The following DEPDC5 variants were observed in gnomAD, a reference collection of about 807,000 sequenced individuals.
The protein encoded by DEPDC5 is GATOR1 complex protein DEPDC5.
Under a neutral mutation model 217.3 loss-of-function variants are expected in DEPDC5, and 73 were observed. That is an observed-to-expected ratio of 0.34 (90% CI 0.28 to 0.41). DEPDC5 has a LOEUF of 0.41. Ranked by LOEUF, DEPDC5 falls within the 10% of genes least tolerant of loss-of-function variation. The pLI, the probability that DEPDC5 is intolerant of heterozygous loss-of-function variation, is 1.00. For missense variants in DEPDC5, 1,675 were observed against 2,070.1 expected, an observed-to-expected ratio of 0.81 and a Z score of 3.70; for synonymous variants, 733 against 756.7, an observed-to-expected ratio of 0.97 and a Z score of 0.51.
At chr22:31,850,766 A>G (rs1056199969) in intron 31 of DEPDC5, among the ~76,000 whole-genome samples, 8 of 152,150 alleles carry the variant, frequency 5.3e-5, no homozygotes, top group African/African-American at 1.7e-4. Flanking sequence ...TATAGTTAAT[A>G]TATAAAACCC....
chr22:31,827,510 C>T (rs2090247898), intron 24 of DEPDC5, among the ~76,000 whole-genome samples: 1 of 152,104 alleles, frequency 6.6e-6, no homozygotes, highest in African/African-American at 2.4e-5. Context: ...CCTCCCTTGC[C>T]CTTCCATATC....
intron 4 of DEPDC5, among the ~76,000 whole-genome samples, chr22:31,762,193 A>G (rs2082449035): frequency 6.6e-6 from 1 of 152,032 alleles, no homozygotes; most frequent in Non-Finnish European, 1.5e-5. Flanking sequence ...CGCCCACCAC[A>G]TTGTGCAAGG....
At chr22:31,858,545 A>G (rs2092389817) in intron 32 of DEPDC5, 1 of 152,206 alleles carries the variant, frequency 6.6e-6, no homozygotes, top group Admixed American at 6.5e-5. Context: ...CAAATGGTAT[A>G]TCTGTGTTTA....
At chr22:31,758,906 C>T (rs574297955) in intron 3 of DEPDC5, among the ~76,000 whole-genome samples, 1 of 150,730 alleles carries the variant, frequency 6.6e-6, no homozygotes. Context: ...TCCATTCCTT[C>T]GTTTTTTTTT....
intron 9 of DEPDC5, 51 bp from the exon 10 acceptor site, chr22:31,784,763 A>G (rs781715556): frequency 9.6e-6 from 15 of 1,558,926 alleles, no homozygotes; most frequent in Non-Finnish European, 1.3e-5. Flanking sequence ...TGCAAGCAAG[A>G]AATAAAGATT....
chr22:31,892,955 A>G (rs976607502), intron 38 of DEPDC5, among the ~76,000 whole-genome samples: 18 of 146,654 alleles, frequency 1.2e-4, no homozygotes, highest in Non-Finnish European at 2.4e-4. Context: ...GGCTCACTGC[A>G]ACCTCTGCCT....
At position 31,876,180 on chromosome 22, in the gene DEPDC5, C is replaced by T. The variant is rs1371069018; in HGVS notation, c.3720C>T (p.Ile1240=). The change falls in exon 37 of 43, where the codon ATC becomes ATT. Residue 1240 remains isoleucine, a synonymous_variant. Transcript: ENST00000651528. The part of the protein sequence containing the change: ...IMQKMLEEQL[I]THASGEAWRT... The stretch of plus-strand genomic sequence containing the variant: ...AGAAAATGCTGGAAGAGCAGCTCAT[C>T]ACACATGCATCTGGCGAAGCCTGGC... 2 of 1,614,100 alleles carry T rather than the reference C, an allele frequency of 1.2e-6. No homozygotes were observed. Among genetic ancestry groups the T allele is most frequent in the South Asian group, 2.2e-5 (2 of 91,082 alleles).
At chr22:31,826,914 T>A (rs79537175) in intron 24 of DEPDC5, among the ~76,000 whole-genome samples, 1 of 151,408 alleles carries the variant, frequency 6.6e-6, no homozygotes, top group Non-Finnish European at 1.5e-5. Context: ...TTTTTTTTTT[T>A]AAGAGACAGG....
intron 31 of DEPDC5, among the ~76,000 whole-genome samples, chr22:31,848,180 C>T (rs1196336607): frequency 2.0e-5 from 3 of 152,210 alleles, no homozygotes; most frequent in South Asian, 2.1e-4. Flanking sequence ...CACCCCACTT[C>T]GGGCTGCTTT....
Position 31,766,533 on chromosome 22 carries a change from T to C in DEPDC5, c.280-52T>C, listed in dbSNP as rs2082832943. The C allele has an allele frequency of 1.9e-6, 3 of 1,576,070 alleles. No homozygotes were observed. The East Asian group carries it at 6.7e-5, about 35-fold the overall frequency. On this transcript the variant is annotated intron_variant, in intron 5 of 42. Coordinates refer to ENST00000651528, the MANE Select transcript of DEPDC5 (RefSeq NM_001242896.3). ...TGGTAAGTGGGCATTACCTTCTGAC[T>C]ATAAAGTGTGGCAAAGTAATGTCAG...
At chr22:31,838,459 G>T (rs935413269) in intron 26 of DEPDC5, among the ~76,000 whole-genome samples, 7 of 152,088 alleles carry the variant, frequency 4.6e-5, no homozygotes, top group African/African-American at 1.7e-4. Flanking sequence ...TGCCCAGGCT[G>T]GTCTTGAATT....
chr22:31,904,434 C>G (rs898540611), intron 41 of DEPDC5, among the ~76,000 whole-genome samples: 5 of 152,128 alleles, frequency 3.3e-5, no homozygotes, highest in African/African-American at 1.2e-4. Context: ...AAATCAGTAG[C>G]CTTAATTAGA....
chr22:31,792,696 G>A, intron 11 of DEPDC5, 49 bp from the exon 12 acceptor site: 2 of 1,373,276 alleles, frequency 1.5e-6, no homozygotes, highest in Non-Finnish European at 1.9e-6. Context: ...TGACAAAACT[G>A]AATTTCTCTT....
chr22:31,897,934 A>G (rs930259022), intron 40 of DEPDC5, among the ~76,000 whole-genome samples: 3 of 151,960 alleles, frequency 2.0e-5, no homozygotes, highest in African/African-American at 7.3e-5. Context: ...AGGGCGCTAA[A>G]CTCTATAAAT....
chr22:31,768,608 A>G (rs558751608), intron 6 of DEPDC5, among the ~76,000 whole-genome samples: 2 of 152,314 alleles, frequency 1.3e-5, no homozygotes, highest in East Asian at 3.9e-4. Flanking sequence ...TTAAGCACCT[A>G]CTGTCATACC....
intron 25 of DEPDC5, 69 bp downstream of exon 25, chr22:31,834,049 C>T (rs756436469): frequency 1.3e-6 from 2 of 1,483,014 alleles, no homozygotes; most frequent in African/African-American, 1.4e-5. Context: ...CATGAGGAAA[C>T]AAGAGGAAGC....
At chr22:31,765,772 C>T (rs909772483) in intron 5 of DEPDC5, among the ~76,000 whole-genome samples, 4 of 152,034 alleles carry the variant, frequency 2.6e-5, no homozygotes, top group African/African-American at 9.7e-5. Context: ...CCTGTAATCC[C>T]AGCACTTTGG....
intron 8 of DEPDC5, among the ~76,000 whole-genome samples, chr22:31,783,515 T>G (rs2084675082): frequency 6.6e-6 from 1 of 151,916 alleles, no homozygotes; most frequent in Non-Finnish European, 1.5e-5. Flanking sequence ...TACAAAAATT[T>G]TGTGGCCTGG....
intron 38 of DEPDC5, among the ~76,000 whole-genome samples, chr22:31,892,824 ACC>A (rs1198413189): frequency 6.7e-6 from 1 of 150,274 alleles, no homozygotes; most frequent in Non-Finnish European, 1.5e-5. Flanking sequence ...CATCATTGTC[ACC>A]CAGAATATCC....
Sources: gnomAD v4.1 joint callset for allele counts (sites outside exome capture counted in the v4.1 genomes callset) on GRCh38, gnomAD v4.1.1 for gene constraint, MANE v1.5 for transcripts, NCBI Gene and HGNC (gene_info 2026-07-23, HGNC 2026-07-21) for gene names.